SLC39A4: variants seen among roughly 807,000 people sequenced by gnomAD.
The protein encoded by SLC39A4 is zinc transporter ZIP4.
SLC39A4 carries 49 observed loss-of-function variants against 56.6 expected under a neutral mutation model. That is an observed-to-expected ratio of 0.87 (90% CI 0.69 to 1.10). SLC39A4 has a LOEUF of 1.10. SLC39A4 is among the 50% of genes least tolerant of loss of function. The probability of loss-of-function intolerance (pLI) is 0.00; values close to 1 mark genes in which losing one functional copy is unlikely to be tolerated. For synonymous variants in SLC39A4, 540 were observed against 420.4 expected (o/e 1.28, Z -3.48); for missense variants, 993 against 864.2 (o/e 1.15, Z -1.87).
At chr8:144,414,553 C>G in intron 5 of SLC39A4, 119 bp from the exon 6 acceptor site, 1 of 1,503,186 alleles carries the variant, frequency 6.7e-7, no homozygotes, top group Non-Finnish European at 9.0e-7. Context: ...TCAGGCTGAC[C>G]CTCCTGCCTC....
In SLC39A4 at chr8:144,415,909, G is replaced by A; in HGVS notation, c.375C>T (p.His125=). The A allele has an allele frequency of 6.3e-7, 1 of 1,596,368 alleles. No homozygotes were observed. Among genetic ancestry groups the A allele is most frequent in the African/African-American group, 1.3e-5 (1 of 74,906 alleles). The change falls in exon 2 of 12, where the codon CAC becomes CAT. Residue 125 remains histidine (H), a synonymous_variant. Transcript: ENST00000301305. ...TGGGGCTCTCGAGCAGGGCCAGGAG[G>A]TGGTCTGCATGAGAGGCCCAGAGGC... ...RAGLWASHAD[H]LLALLESPKA...
At chr8:144,415,487 G>A in intron 2 of SLC39A4, 68 bp from the exon 3 acceptor site, 1 of 1,487,772 alleles carries the variant, frequency 6.7e-7, no homozygotes, top group Non-Finnish European at 9.1e-7. Context: ...GCTGCCCCTG[G>A]ATGCATCTCC....
Position 144,414,754 on chromosome 8 carries a change from G to A in SLC39A4, c.947C>T (p.Pro316Leu), listed in dbSNP as rs1554873219. Residue 316 changes from proline (P) to leucine (L), a missense_variant, in exon 5 of 12, where the codon CCC becomes CTC. Transcript: ENST00000301305. The stretch of plus-strand genomic sequence containing the variant: ...TGACTGGCTGAGCTGGTCCTGGACG[G>A]GGGGCCTGGACTGGGAGGTGCAGGC... ...SGACTSQSRP[P>L]VQDQLSQSER... 1 of 1,613,024 alleles carries A rather than the reference G, an allele frequency of 6.2e-7. No individual in the cohort carries two copies. Among genetic ancestry groups the A allele is most frequent in the Non-Finnish European group, 8.5e-7 (1 of 1,179,912 alleles).
At chr8:144,416,370 T>G (rs1822199332) in intron 1 of SLC39A4, 1 of 1,456,814 alleles carries the variant, frequency 6.9e-7, no homozygotes, top group African/African-American at 1.4e-5. Flanking sequence ...CAGGGGGAGT[T>G]GGCCCTGGGG....
chr8:144,412,881 A>C lies in SLC39A4; in HGVS notation c.1693T>G (p.Ser565Ala). Residue 565 changes from serine (S) to alanine (A), a missense_variant, in exon 11 of 12, where the codon TCC becomes GCC. Transcript: ENST00000301305. ...AGACCAGCGAAGGCCGTGAGCGCGG[A>C]GGCCAGGTTCAGCAGCAGTGCTTGG... ...VRQALLLNLA[S>A]ALTAFAGLYV... 6.2e-7 allele frequency: 1 copy of C among 1,611,108 alleles called. No homozygotes were observed. The highest frequency in any genetic ancestry group is 8.5e-7 in the Non-Finnish European group (1 of 1,179,788).
chr8:144,416,395 G>A, intron 1 of SLC39A4: 1 of 1,447,982 alleles, frequency 6.9e-7, no homozygotes, highest in Admixed American at 2.7e-5. Flanking sequence ...GGGGAGAAGA[G>A]GGACTGTGTC....
chr8:144,413,362 G>A lies in SLC39A4; in HGVS notation c.1502C>T (p.Thr501Ile). ...PELRLLPYMITLGDAVHNFAD... is the reference protein window; with the variant it reads ...PELRLLPYMIILGDAVHNFAD... ...GAAGTTGTGCACGGCGTCGCCCAGA[G>A]TGATCATATAGGGCAGTAGCCTCAA... The change falls in exon 10 of 12, where the codon ACT (threonine) becomes ATT (isoleucine). Residue 501 changes from threonine (T) to isoleucine (I), a missense_variant. Physicochemically the swap from Thr to Ile is moderately conservative, Grantham distance 89. Coordinates refer to ENST00000301305, the MANE Select transcript of SLC39A4 (RefSeq NM_130849.4). The A allele has an allele frequency of 6.2e-7, 1 of 1,608,418 alleles. No individual in the cohort carries two copies. Among genetic ancestry groups the A allele is most frequent in the Non-Finnish European group, 8.5e-7 (1 of 1,179,476 alleles).
At position 144,413,968 on chromosome 8, in the gene SLC39A4, C is replaced by T. The variant is rs781837998; in HGVS notation, c.1277G>A (p.Arg426Lys). The T allele has an allele frequency of 2.7e-5, 44 of 1,610,330 alleles. No homozygotes were observed. The highest frequency in any genetic ancestry group is 3.2e-5 in the Non-Finnish European group (38 of 1,178,666). The change falls in exon 7 of 12, where the codon AGG (arginine) becomes AAG (lysine). Residue 426 changes from arginine to lysine, a missense_variant. Transcript: ENST00000301305. ...CCCAAGAAGCCTGACCTCCGGGTCC[C>T]TGGGCAGCAGGAGATTGAAGAGGTT... is the stretch of plus-strand genomic sequence containing the variant. ...FENLFNLLLP[R>K]DPEDLEDGPC...
In SLC39A4 at chr8:144,414,762, G is replaced by A. The variant is rs782740583; in HGVS notation, c.939C>T (p.Ser313=). The A allele has an allele frequency of 3.1e-6, 5 of 1,613,120 alleles. No individual in the cohort carries two copies. The South Asian group carries it at 4.4e-5, about 14-fold the overall frequency. ...QQLSGACTSQ[S]RPPVQDQLSQ... ...TGAGCTGGTCCTGGACGGGGGGCCT[G>A]GACTGGGAGGTGCAGGCTCCACTCA... Residue 313 remains serine (S), a synonymous_variant, in exon 5 of 12, where the codon TCC becomes TCT. Transcript: ENST00000301305.
At chr8:144,413,048 C>A (rs559054138) in intron 10 of SLC39A4, 102 bp from the exon 11 acceptor site, 2 of 1,443,456 alleles carry the variant, frequency 1.4e-6, no homozygotes, top group East Asian at 5.1e-5. Flanking sequence ...CCCACCTGTT[C>A]CCGGTCTCCC....
At chr8:144,415,726 C>A (rs1230167153) in intron 2 of SLC39A4, 84 bp downstream of exon 2, 40 of 1,453,868 alleles carry the variant, frequency 2.8e-5, no homozygotes, top group Non-Finnish European at 8.1e-6. Flanking sequence ...CCAGGCTCCC[C>A]GAAGGCTTTG....
chr8:144,414,875 C>A lies in SLC39A4; in HGVS notation c.826G>T (p.Val276Leu), dbSNP rs200502823. ...WDTVCLSARDVMAAYGLSEQA... is the reference protein window; with the variant it reads ...WDTVCLSARDLMAAYGLSEQA... Reference sequence around the variant, plus strand: ...TCCGACAGTCCATATGCAGCCATCACGTCCCTGGCACTCAGGCATACCTGG... The same window carrying A: ...TCCGACAGTCCATATGCAGCCATCAAGTCCCTGGCACTCAGGCATACCTGG... Residue 276 changes from valine to leucine, a missense_variant, in exon 5 of 12, where the codon GTG (valine) becomes TTG (leucine). Transcript: ENST00000301305. 3 of 1,613,366 alleles carry A rather than the reference C, an allele frequency of 1.9e-6. No individual in the cohort carries two copies. The highest frequency in any genetic ancestry group is 2.2e-5 in the East Asian group (1 of 44,878).
rs1554872096 is a variant in SLC39A4, at chr8:144,412,947, C to T, written c.1628-1G>A. The T allele has an allele frequency of 6.3e-7, 1 of 1,594,600 alleles. No homozygotes were observed. On this transcript the variant is annotated splice_acceptor_variant, in intron 10 of 11. Coordinates refer to ENST00000301305, the MANE Select transcript of SLC39A4 (RefSeq NM_130849.4). LOFTEE classifies it high-confidence loss of function. Reference sequence around the variant, plus strand: ...GCGTGCAGCAAGGCGGCGAAGTCCCCTGCGGGCGAGTCCACATTAACAGCT... The same window carrying T: ...GCGTGCAGCAAGGCGGCGAAGTCCCTTGCGGGCGAGTCCACATTAACAGCT...
chr8:144,414,295 G>A lies in SLC39A4; in HGVS notation c.1116C>T (p.Val372=). The A allele has an allele frequency of 6.2e-7, 1 of 1,608,364 alleles. No homozygotes were observed. The highest frequency in any genetic ancestry group is 8.5e-7 in the Non-Finnish European group (1 of 1,178,462). The change falls in exon 6 of 12, where the codon GTC becomes GTT. Residue 372 remains valine (V), a synonymous_variant. Transcript: ENST00000301305. ...QTFLSLAVGA[V]TGDAVLHLTP... ...TCAGATGCAGGACAGCGTCCCCAGT[G>A]ACTGCACCCACTGCCAGGCTCAGGA... is the stretch of plus-strand genomic sequence containing the variant.
At position 144,412,510 on chromosome 8, in the gene SLC39A4, G is replaced by C. The variant is rs200717604; in HGVS notation, c.*28C>G. ...AGGTTTGTGAGGTGTGGGATCTTAA[G>C]TCAAAGGTGGGGGACTAGGGCAGGG... On this transcript the variant is annotated 3_prime_UTR_variant, in exon 12 of 12. Transcript: ENST00000301305. The C allele has an allele frequency of 3.7e-6, 6 of 1,613,996 alleles. No homozygotes were observed. Among genetic ancestry groups the C allele is most frequent in the Non-Finnish European group, 5.1e-6 (6 of 1,180,022 alleles).
intron 5 of SLC39A4, 74 bp downstream of exon 5, chr8:144,414,651 T>C (rs1554873161): frequency 8.2e-6 from 13 of 1,587,590 alleles, no homozygotes; most frequent in Non-Finnish European, 1.1e-5. Context: ...TCCCTCATCC[T>C]GGGCAGCCAC....
At position 144,415,893 on chromosome 8, in the gene SLC39A4, C is replaced by A. The variant is rs781894781; in HGVS notation, c.391G>T (p.Glu131Ter). 1 of 1,595,346 alleles carries A rather than the reference C, an allele frequency of 6.3e-7. No homozygotes were observed. Among genetic ancestry groups the A allele is most frequent in the East Asian group, 2.3e-5 (1 of 44,366 alleles). ...SHADHLLALL[E>*]SPKALTPGLS... ...CCCGGGGTCAGGGCCTTGGGGCTCT[C>A]GAGCAGGGCCAGGAGGTGGTCTGCA... Residue 131 changes from glutamate (E) to a stop codon, truncating the protein, a stop_gained, in exon 2 of 12, where the codon GAG (glutamate) becomes TAG (stop). Transcript: ENST00000301305. LOFTEE classifies it high-confidence loss of function.
rs535604246 is a variant in SLC39A4 at position 144,413,857 on chromosome 8, G to T, written c.1312C>A (p.His438Asn). ...PEDLEDGPCG[H>N]SSHSHGGHSH... The stretch of plus-strand genomic sequence containing the variant: ...TGGCCCCCGTGGCTATGGCTGCTGT[G>T]GCCGCAGGGCCCGTCCTCCAGGTCC... The change falls in exon 8 of 12, where the codon CAC becomes AAC. Residue 438 changes from histidine (H) to asparagine (N), a missense_variant. Coordinates refer to ENST00000301305, the MANE Select transcript of SLC39A4 (RefSeq NM_130849.4). 6.2e-7 allele frequency: 1 copy of T among 1,600,794 alleles called. No individual in the cohort carries two copies. The highest frequency in any genetic ancestry group is 2.2e-5 in the East Asian group (1 of 44,552).
Position 144,414,861 on chromosome 8 carries a change from A to G in SLC39A4, c.840T>C (p.Tyr280=). Residue 280 remains tyrosine, a synonymous_variant, in exon 5 of 12, where the codon TAT becomes TAC. Coordinates refer to ENST00000301305, the MANE Select transcript of SLC39A4 (RefSeq NM_130849.4). The part of the protein sequence containing the change: ...CLSARDVMAA[Y]GLSEQAGVTP... ...TCACCCCAGCCTGTTCCGACAGTCCATATGCAGCCATCACGTCCCTGGCAC... is the reference window on the plus strand; with the variant it reads ...TCACCCCAGCCTGTTCCGACAGTCCGTATGCAGCCATCACGTCCCTGGCAC... 6.2e-7 allele frequency: 1 copy of G among 1,613,298 alleles called. No individual in the cohort carries two copies. Among genetic ancestry groups the G allele is most frequent in the East Asian group, 2.2e-5 (1 of 44,872 alleles).
Sources: gnomAD v4.1 joint callset for allele counts on GRCh38, gnomAD v4.1.1 for gene constraint, MANE v1.5 for transcripts, NCBI Gene and HGNC (gene_info 2026-07-23, HGNC 2026-07-21) for gene names.